Variants in HOMER2 observed in about 807,000 individuals in gnomAD.
HOMER2 encodes the protein homer protein homolog 2.
HOMER2 carries 27 observed loss-of-function variants against 47.0 expected under a neutral mutation model. The ratio of observed to expected loss-of-function variants is 0.57; its 90% confidence interval spans 0.42 to 0.79. The LOEUF is 0.79. Among genes scored for constraint, HOMER2 ranks in the 30% least tolerant of loss-of-function variants. The pLI is 0.00. For synonymous variants in HOMER2, 161 were observed against 163.8 expected, an observed-to-expected ratio of 0.98 and a Z score of 0.13; for missense variants, 443 against 435.0, an observed-to-expected ratio of 1.02 and a Z score of -0.16.
intron 5 of HOMER2, among the ~76,000 whole-genome samples, chr15:82,855,325 CAAAAAAAAAAAAAAAA>C (rs1162254209): frequency 3.3e-5 from 2 of 61,520 alleles, no homozygotes; most frequent in Non-Finnish European, 2.7e-5. Context: ...ACTCCATCTC[CAAAAAAAAAAAAAAAA>C]AAAAAAAAGA....
chr15:82,982,087 A>G (rs2030415311), intron 1 of HOMER2, among the ~76,000 whole-genome samples: 1 of 152,236 alleles, frequency 6.6e-6, no homozygotes, highest in African/African-American at 2.4e-5. Flanking sequence ...AAAAAACACT[A>G]TAAATTTCAT....
At chr15:82,865,936 C>T (rs2051950454) in intron 3 of HOMER2, among the ~76,000 whole-genome samples, 1 of 152,210 alleles carries the variant, frequency 6.6e-6, no homozygotes, top group Non-Finnish European at 1.5e-5. Flanking sequence ...ATGGAGAACT[C>T]TGCTAGGGCA....
downstream of HOMER2, chr15:82,845,519 T>G (rs1321020825): frequency 6.6e-6 from 1 of 152,208 alleles, no homozygotes; most frequent in Non-Finnish European, 1.5e-5. Flanking sequence ...TAGGGTCCTT[T>G]TAAAGCATGC....
chr15:82,980,512 T>C (rs1262820757), intron 1 of HOMER2, among the ~76,000 whole-genome samples: 1 of 152,212 alleles, frequency 6.6e-6, no homozygotes, highest in African/African-American at 2.4e-5. Context: ...CTTTCCCATG[T>C]GGCTCTGCGT....
chr15:82,840,106 T>A (rs2051161573), exon 2 of HOMER2: 1 of 152,156 alleles, frequency 6.6e-6, no homozygotes, highest in Non-Finnish European at 1.5e-5. Flanking sequence ...AATATAAATT[T>A]AAGAGATATG....
intron 1 of HOMER2, among the ~76,000 whole-genome samples, chr15:82,973,215 C>G (rs2030070482): frequency 6.6e-6 from 1 of 152,196 alleles, no homozygotes; most frequent in South Asian, 2.1e-4. Flanking sequence ...GCAATCTTGA[C>G]CACCCTGCCA....
chr15:82,973,383 T>C (rs1231978967), intron 1 of HOMER2, among the ~76,000 whole-genome samples: 1 of 152,194 alleles, frequency 6.6e-6, no homozygotes, highest in Non-Finnish European at 1.5e-5. Context: ...TCTGTAAGCC[T>C]GGATTGTAAG....
At chr15:82,935,152 C>T (rs2054114950) in intron 1 of HOMER2, among the ~76,000 whole-genome samples, 1 of 152,220 alleles carries the variant, frequency 6.6e-6, no homozygotes, top group Non-Finnish European at 1.5e-5. Context: ...CTTCCCTCCG[C>T]ACCTGCGCCC....
intron 5 of HOMER2, among the ~76,000 whole-genome samples, chr15:82,855,510 C>T (rs1384704548): frequency 6.6e-6 from 1 of 152,042 alleles, no homozygotes; most frequent in Non-Finnish European, 1.5e-5. Flanking sequence ...AAGCCATGGA[C>T]GGACCTCCAG....
chr15:82,860,094 A>T (rs2051727747), intron 4 of HOMER2, among the ~76,000 whole-genome samples: 1 of 152,066 alleles, frequency 6.6e-6, no homozygotes, highest in Non-Finnish European at 1.5e-5. Context: ...CTAAAAATAC[A>T]AAAGTTAGTC....
At chr15:82,917,070 G>A (rs996108321) in intron 1 of HOMER2, among the ~76,000 whole-genome samples, 5 of 152,150 alleles carry the variant, frequency 3.3e-5, no homozygotes, top group Non-Finnish European at 5.9e-5. Context: ...AAAGTGCTGG[G>A]ATTACAGGTG....
intron 1 of HOMER2, among the ~76,000 whole-genome samples, chr15:82,910,407 G>T (rs1423713031): frequency 1.3e-5 from 2 of 152,144 alleles, no homozygotes; most frequent in Non-Finnish European, 2.9e-5. Context: ...CCTTATGGTG[G>T]ATTTTTCCTT....
intron 6 of HOMER2, 44 bp from the exon 7 acceptor site, chr15:82,852,296 A>G (rs1156532220): frequency 6.7e-6 from 9 of 1,346,854 alleles, no homozygotes; most frequent in Non-Finnish European, 9.6e-6. Context: ...CCAGCTTAAC[A>G]TTAGTCATTA....
At chr15:82,851,368 G>T in intron 7 of HOMER2, 137 bp from the exon 8 acceptor site, 1 of 650,268 alleles carries the variant, frequency 1.5e-6, no homozygotes. Flanking sequence ...TAGTGACCAT[G>T]CGAATACTTC....
intron 1 of HOMER2, among the ~76,000 whole-genome samples, chr15:82,933,016 C>T (rs1203582141): frequency 1.3e-5 from 2 of 152,088 alleles, no homozygotes; most frequent in East Asian, 1.9e-4. Flanking sequence ...CTCTCCTCCC[C>T]GTGCCCTCAC....
chr15:82,861,586 A>G (rs2151628473), intron 4 of HOMER2, among the ~76,000 whole-genome samples: 1 of 152,358 alleles, frequency 6.6e-6, no homozygotes, highest in South Asian at 2.1e-4. Flanking sequence ...GTCACAAAAC[A>G]GCCCCACATT....
intron 1 of HOMER2, among the ~76,000 whole-genome samples, chr15:82,895,032 C>A (rs1470031292): frequency 6.6e-6 from 1 of 152,178 alleles, no homozygotes; most frequent in Non-Finnish European, 1.5e-5. Flanking sequence ...GCAGCATCAA[C>A]CATCAACCGT....
intron 5 of HOMER2, among the ~76,000 whole-genome samples, chr15:82,855,089 C>T (rs1245571362): frequency 1.3e-5 from 2 of 152,094 alleles, no homozygotes; most frequent in African/African-American, 4.8e-5. Context: ...GTAATCCTAA[C>T]ACTTTGGGAG....
At chr15:82,944,469 G>T (rs1474771318) in intron 1 of HOMER2, among the ~76,000 whole-genome samples, 1 of 152,076 alleles carries the variant, frequency 6.6e-6, no homozygotes, top group Non-Finnish European at 1.5e-5. Context: ...TTCACCCTGG[G>T]GGGAAAAAAC....
Sources: allele counts gnomAD v4.1 joint callset (sites outside exome capture counted in the v4.1 genomes callset), GRCh38; gene constraint gnomAD v4.1.1; transcripts MANE v1.5; gene names NCBI Gene and HGNC (gene_info 2026-07-23, HGNC 2026-07-21).